Variants in GRM3 observed in about 807,000 individuals in gnomAD.
GRM3 encodes metabotropic glutamate receptor 3.
In GRM3, 26 loss-of-function variants were observed where a neutral mutation model predicts 70.5. The ratio of observed to expected loss-of-function variants is 0.37; its 90% CI spans 0.27 to 0.51. GRM3 has a LOEUF of 0.51. Ranked by LOEUF, GRM3 falls within the 20% of genes least tolerant of loss-of-function variation. The probability of loss-of-function intolerance (pLI) is 0.93; values close to 1 mark genes in which losing one functional copy is unlikely to be tolerated. For missense variants in GRM3, 859 were observed against 1,123.8 expected (o/e 0.76, Z 3.37); for synonymous variants, 443 against 434.9 (o/e 1.02, Z -0.23).
chr7:86,671,210 T>A (rs972286858), intron 1 of GRM3, among the ~76,000 whole-genome samples: 12 of 152,176 alleles, frequency 7.9e-5, no homozygotes, highest in African/African-American at 2.9e-4. Context: ...CAAGATAAGT[T>A]TTTTGTTTTC....
chr7:86,697,184 A>G (rs74932515), intron 1 of GRM3, among the ~76,000 whole-genome samples: 4,401 of 152,208 alleles, frequency 0.029, 201 homozygotes, highest in African/African-American at 0.099. Context: ...CTTTGAAACC[A>G]CATACCCAAA....
intron 4 of GRM3, among the ~76,000 whole-genome samples, chr7:86,842,633 A>G (rs1798578517): frequency 6.6e-6 from 1 of 152,334 alleles, no homozygotes; most frequent in East Asian, 1.9e-4. Flanking sequence ...GAGCAGCTGA[A>G]AAAATTTTGA....
At position 86,644,242 on chromosome 7, in the gene GRM3, A is replaced by T. The variant is rs1425396939; in HGVS notation, c.-771A>T. Reference sequence around the variant, plus strand: ...ATCTACCCTGGCTTTTCGTATAAAAATCCTCTCGTCTAGGTACCCTGGCTC... The same window carrying T: ...ATCTACCCTGGCTTTTCGTATAAAATTCCTCTCGTCTAGGTACCCTGGCTC... On this transcript the variant is annotated 5_prime_UTR_variant, in exon 1 of 6. Coordinates refer to ENST00000361669, the MANE Select transcript of GRM3 (RefSeq NM_000840.3). The T allele has an allele frequency of 5.8e-6, 1 of 172,978 alleles. No homozygotes were observed. Among genetic ancestry groups the T allele is most frequent in the African/African-American group, 2.4e-5 (1 of 41,566 alleles). The allele number at this position is 172,978 out of a possible 1,614,324, so 10.7% of individuals were successfully genotyped here. A position where few individuals can be genotyped will look rare whatever the true frequency, so the allele number is the denominator to read the frequency against.
At chr7:86,792,656 C>A (rs1797447757) in intron 3 of GRM3, among the ~76,000 whole-genome samples, 1 of 152,118 alleles carries the variant, frequency 6.6e-6, no homozygotes, top group Non-Finnish European at 1.5e-5. Flanking sequence ...ACCTGAGGAC[C>A]CAACAGTAAA....
intron 1 of GRM3, among the ~76,000 whole-genome samples, chr7:86,716,263 G>C (rs1226187045): frequency 3.3e-5 from 5 of 151,856 alleles, no homozygotes; most frequent in African/African-American, 9.7e-5. Flanking sequence ...CTATGACAGA[G>C]TATGACAAAA....
intron 1 of GRM3, among the ~76,000 whole-genome samples, chr7:86,730,072 C>T (rs543915959): frequency 6.6e-6 from 1 of 151,286 alleles, no homozygotes; most frequent in East Asian, 2.0e-4. Flanking sequence ...CAAGATCACA[C>T]CATTGCACTC....
In GRM3 at chr7:86,772,104, C is replaced by G. The variant is rs554367780; in HGVS notation, c.468+6491C>G. On this transcript the variant is annotated intron_variant, in intron 2 of 5. Transcript: ENST00000361669. ...ATTTATTCTTCCATGAACTATAAGC[C>G]ACTTGAGTTTAAGAACCACATTTTT... Among the ~76,000 whole-genome samples, 127 of 152,140 alleles carry G rather than the reference C, an allele frequency of 8.3e-4. 1 individual carries two copies. Among genetic ancestry groups the G allele is most frequent in the African/African-American group, 3.0e-3 (124 of 41,520 alleles).
chr7:86,769,718 A>G (rs1796691803), intron 2 of GRM3, among the ~76,000 whole-genome samples: 1 of 152,272 alleles, frequency 6.6e-6, no homozygotes, highest in South Asian at 2.1e-4. Context: ...ACCATTGATG[A>G]AGAAACTGGA....
rs1038976779 is a variant in GRM3 at position 86,838,724 on chromosome 7, A to G, written c.1325-115A>G. ...TCAATGGTAACTGATAAATTATTTC[A>G]GCCTTGGAATCACCATTTCCTGTTA... On this transcript the variant is annotated intron_variant, in intron 3 of 5. Transcript: ENST00000361669. The G allele has an allele frequency of 7.9e-6, 5 of 632,450 alleles. No homozygotes were observed. The African/African-American group carries it at 9.2e-5, about 12-fold the overall frequency. 39.2% of individuals were successfully genotyped at this position (632,450 alleles called of 1,614,324 possible).
chr7:86,702,321 T>C (rs1794962613), intron 1 of GRM3, among the ~76,000 whole-genome samples: 1 of 152,050 alleles, frequency 6.6e-6, no homozygotes, highest in African/African-American at 2.4e-5. Context: ...GGCTGGTTAG[T>C]CCTGCATCTC....
intron 3 of GRM3, among the ~76,000 whole-genome samples, chr7:86,830,051 C>T (rs1798320228): frequency 6.6e-6 from 1 of 152,104 alleles, no homozygotes; most frequent in Non-Finnish European, 1.5e-5. Flanking sequence ...GTCAGTGCCT[C>T]ACTTGTATCT....
At chr7:86,728,092 G>A (rs1795633373) in intron 1 of GRM3, among the ~76,000 whole-genome samples, 1 of 151,940 alleles carries the variant, frequency 6.6e-6, no homozygotes, top group South Asian at 2.1e-4. Context: ...TTTTTTTCCT[G>A]TGAATATCCC....
At chr7:86,792,948 AC>A (rs961116494) in intron 3 of GRM3, among the ~76,000 whole-genome samples, 27 of 151,822 alleles carry the variant, frequency 1.8e-4, no homozygotes, top group Non-Finnish European at 7.4e-5. Context: ...AATAGTATGT[AC>A]AGCTAAGCTA....
chr7:86,675,776 A>G (rs1305398256), intron 1 of GRM3, among the ~76,000 whole-genome samples: 1 of 152,126 alleles, frequency 6.6e-6, no homozygotes, highest in Non-Finnish European at 1.5e-5. Flanking sequence ...TGCTAAAAGA[A>G]GCATTGCATG....
intron 3 of GRM3, among the ~76,000 whole-genome samples, chr7:86,824,917 G>A (rs1798201268): frequency 6.6e-6 from 1 of 152,110 alleles, no homozygotes; most frequent in South Asian, 2.1e-4. Context: ...AGCACAGTTG[G>A]AAGAATAGTG....
At chr7:86,795,754 A>G (rs1191105245) in intron 3 of GRM3, among the ~76,000 whole-genome samples, 1 of 152,170 alleles carries the variant, frequency 6.6e-6, no homozygotes, top group Non-Finnish European at 1.5e-5. Flanking sequence ...TTCTTTGGAT[A>G]TATACCCAGT....
chr7:86,696,181 C>G (rs1794812439), intron 1 of GRM3, among the ~76,000 whole-genome samples: 1 of 152,160 alleles, frequency 6.6e-6, no homozygotes, highest in South Asian at 2.1e-4. Context: ...ATGTTCACCT[C>G]CAAATCCCCA....
At chr7:86,648,702 AG>A (rs1454390694) in intron 1 of GRM3, among the ~76,000 whole-genome samples, 1 of 152,084 alleles carries the variant, frequency 6.6e-6, no homozygotes, top group African/African-American at 2.4e-5. Context: ...CCATATGTGA[AG>A]GTTACTTTAA....
At chr7:86,855,368 G>C (rs1040920753) in intron 5 of GRM3, among the ~76,000 whole-genome samples, 33 of 152,148 alleles carry the variant, frequency 2.2e-4, no homozygotes, top group African/African-American at 7.2e-4. Context: ...AAAATGAAGT[G>C]TGCCCCATAG....
Sources: allele counts gnomAD v4.1 joint callset (sites outside exome capture counted in the v4.1 genomes callset), GRCh38; gene constraint gnomAD v4.1.1; transcripts MANE v1.5; gene names NCBI Gene and HGNC (gene_info 2026-07-23, HGNC 2026-07-21).